Variants in SLC30A8 observed in about 807,000 individuals in gnomAD.
SLC30A8 encodes the protein solute carrier family 30 member 8.
In SLC30A8, 27 loss-of-function variants were observed where a neutral mutation model predicts 36.9. That is an observed-to-expected ratio of 0.73 (90% CI 0.54 to 1.01). The LOEUF (loss-of-function observed/expected upper bound fraction) is 1.01, where lower values mean the gene tolerates loss of function less well. SLC30A8 is among the 50% of genes least tolerant of loss of function. The pLI is 0.00. For synonymous variants in SLC30A8, 164 were observed against 172.4 expected (o/e 0.95, Z 0.38); for missense variants, 439 against 452.0 (o/e 0.97, Z 0.26).
At chr8:117,102,239 A>G (rs1199995239) in intron 2 of SLC30A8, among the ~76,000 whole-genome samples, 2 of 152,172 alleles carry the variant, frequency 1.3e-5, no homozygotes, top group African/African-American at 4.8e-5. Context: ...GTTTAGTATT[A>G]GTGGTATGAA....
At chr8:117,166,426 T>C (rs753876105) in intron 6 of SLC30A8, among the ~76,000 whole-genome samples, 2 of 152,210 alleles carry the variant, frequency 1.3e-5, no homozygotes, top group Non-Finnish European at 2.9e-5. Flanking sequence ...AGGACTTGCC[T>C]AAAACCCTTA....
upstream of SLC30A8, chr8:116,950,682 C>A (rs1290408921): frequency 2.6e-5 from 4 of 152,176 alleles, no homozygotes; most frequent in African/African-American, 9.7e-5. Context: ...ACTGAGGGTA[C>A]TAGTTGCTCT....
intron 2 of SLC30A8, among the ~76,000 whole-genome samples, chr8:117,089,691 C>T (rs1819026580): frequency 6.6e-6 from 1 of 152,136 alleles, no homozygotes; most frequent in Non-Finnish European, 1.5e-5. Flanking sequence ...CCAGAATGAG[C>T]TTCCTACTAC....
chr8:116,996,183 T>G (rs1425610278), intron 1 of SLC30A8, among the ~76,000 whole-genome samples: 1 of 152,196 alleles, frequency 6.6e-6, no homozygotes, highest in Non-Finnish European at 1.5e-5. Context: ...GTATTTTTAT[T>G]TTTAGTCTCA....
intron 2 of SLC30A8, among the ~76,000 whole-genome samples, chr8:117,071,857 CTGTT>C (rs1199138209): frequency 2.0e-5 from 3 of 151,972 alleles, no homozygotes; most frequent in African/African-American, 4.8e-5. Context: ...TAGTTTTTCT[CTGTT>C]TGTTCATCTC....
At chr8:117,013,295 C>T (rs1380227889) in intron 1 of SLC30A8, among the ~76,000 whole-genome samples, 2 of 152,180 alleles carry the variant, frequency 1.3e-5, no homozygotes, top group African/African-American at 4.8e-5. Context: ...GTATACAGCT[C>T]ACCTTCCTCT....
chr8:117,078,381 A>T (rs967659765), intron 2 of SLC30A8, among the ~76,000 whole-genome samples: 1 of 152,228 alleles, frequency 6.6e-6, no homozygotes, highest in African/African-American at 2.4e-5. Context: ...ACAAAACCCT[A>T]TGAGATAGGT....
chr8:117,157,841 T>C lies in SLC30A8; in HGVS notation c.569T>C (p.Ile190Thr), dbSNP rs185043998. Residue 190 changes from isoleucine (I) to threonine (T), a missense_variant, in exon 4 of 8, where the codon ATT becomes ACT. By Grantham distance (89) the Ile-to-Thr change is moderately conservative. Transcript: ENST00000456015. ...IVSSCAVAAN[I>T]VLTVVLHQRC... The stretch of plus-strand genomic sequence containing the variant: ...TCCAGCTGCGCAGTGGCGGCCAACA[T>C]TGTGTAAGTCATCCCCTGGTCCCCA... The C allele has an allele frequency of 1.9e-6, 3 of 1,613,982 alleles. No individual in the cohort carries two copies. The highest frequency in any genetic ancestry group is 1.7e-5 in the Admixed American group (1 of 60,018).
intron 1 of SLC30A8, among the ~76,000 whole-genome samples, chr8:116,975,907 C>A (rs973488307): frequency 1.3e-5 from 2 of 152,122 alleles, no homozygotes; most frequent in African/African-American, 4.8e-5. Flanking sequence ...GGAGGTAGCC[C>A]TCAGACAACG....
intron 2 of SLC30A8, among the ~76,000 whole-genome samples, chr8:117,076,248 G>A (rs1352267878): frequency 1.3e-5 from 2 of 152,068 alleles, no homozygotes; most frequent in Non-Finnish European, 2.9e-5. Context: ...AAAACATCCA[G>A]GTAACACCAT....
At chr8:117,006,159 C>G (rs896818100) in intron 1 of SLC30A8, among the ~76,000 whole-genome samples, 2 of 152,100 alleles carry the variant, frequency 1.3e-5, no homozygotes, top group Admixed American at 6.6e-5. Context: ...GAACTCTAAG[C>G]GAATAGGATA....
At chr8:117,095,653 C>T (rs1040551395) in intron 2 of SLC30A8, among the ~76,000 whole-genome samples, 10 of 152,096 alleles carry the variant, frequency 6.6e-5, no homozygotes, top group South Asian at 2.1e-4. Flanking sequence ...CAAAGCCTCC[C>T]GATAAAGCTT....
intron 2 of SLC30A8, among the ~76,000 whole-genome samples, chr8:117,075,246 A>G (rs1175783138): frequency 1.3e-5 from 2 of 152,190 alleles, no homozygotes; most frequent in Non-Finnish European, 2.9e-5. Context: ...GGAGAAAACT[A>G]TGTCTTTCTG....
chr8:117,079,651 AG>A (rs1818601562), intron 2 of SLC30A8, among the ~76,000 whole-genome samples: 1 of 152,180 alleles, frequency 6.6e-6, no homozygotes, highest in African/African-American at 2.4e-5. Context: ...TTCTGGAAAA[AG>A]ATGAAGATAT....
chr8:117,172,781 T>C lies in SLC30A8; in HGVS notation c.*100T>C. ...GAAAATAAGGAACCAAAGGAAGAAATTCATGTCATGGTGCAATGCACATTT... is the reference window on the plus strand; with the variant it reads ...GAAAATAAGGAACCAAAGGAAGAAACTCATGTCATGGTGCAATGCACATTT... On this transcript the variant is annotated 3_prime_UTR_variant, in exon 8 of 8. Transcript: ENST00000456015. 7.1e-7 allele frequency: 1 copy of C among 1,401,382 alleles called. No homozygotes were observed. The highest frequency in any genetic ancestry group is 9.9e-7 in the Non-Finnish European group (1 of 1,010,872). 86.8% of individuals were successfully genotyped at this position (1,401,382 alleles called of 1,614,324 possible).
At chr8:117,116,614 T>A (rs991379953) in intron 2 of SLC30A8, among the ~76,000 whole-genome samples, 1 of 152,006 alleles carries the variant, frequency 6.6e-6, no homozygotes, top group Non-Finnish European at 1.5e-5. Context: ...TATAAAGAAT[T>A]AGAATTAGAA....
At chr8:117,106,613 C>T (rs1563600961) in intron 2 of SLC30A8, among the ~76,000 whole-genome samples, 2 of 152,122 alleles carry the variant, frequency 1.3e-5, no homozygotes, top group Admixed American at 6.6e-5. Flanking sequence ...TAGTGCAGGA[C>T]CCAGAACTTG....
chr8:116,993,661 A>G (rs1815722720), intron 1 of SLC30A8, among the ~76,000 whole-genome samples: 1 of 152,066 alleles, frequency 6.6e-6, no homozygotes, highest in Non-Finnish European at 1.5e-5. Context: ...AATCTACAAA[A>G]AAGAATAAAA....
At chr8:116,975,119 C>T (rs572241656) in intron 1 of SLC30A8, among the ~76,000 whole-genome samples, 3 of 152,122 alleles carry the variant, frequency 2.0e-5, no homozygotes, top group African/African-American at 4.8e-5. Flanking sequence ...AGCACACCAA[C>T]ATGGCACATG....
Sources: allele counts gnomAD v4.1 joint callset (sites outside exome capture counted in the v4.1 genomes callset), GRCh38; gene constraint gnomAD v4.1.1; transcripts MANE v1.5; gene names NCBI Gene and HGNC (gene_info 2026-07-23, HGNC 2026-07-21).